The following SATB2 variants were observed in gnomAD, a reference collection of about 807,000 sequenced individuals.
The protein encoded by SATB2 is SATB homeobox 2.
Under a neutral mutation model 73.4 loss-of-function variants are expected in SATB2, and 1 was observed. The observed-to-expected ratio is 0.01, with a 90% confidence interval of 0.00 to 0.06. The LOEUF (loss-of-function observed/expected upper bound fraction) is 0.06. SATB2 is among the 10% of genes least tolerant of loss of function. The pLI is 1.00. For missense variants in SATB2, 459 were observed against 945.8 expected, an observed-to-expected ratio of 0.49 and a Z score of 6.75; for synonymous variants, 397 against 367.0, an observed-to-expected ratio of 1.08 and a Z score of -0.93.
chr2:199,282,888 G>C (rs1430317590), intron 10 of SATB2, among the ~76,000 whole-genome samples: 1 of 152,118 alleles, frequency 6.6e-6, no homozygotes, highest in African/African-American at 2.4e-5. Flanking sequence ...AGTTGCCTCT[G>C]AAGCATATGT....
chr2:199,346,122 A>G (rs1290951636), intron 7 of SATB2, among the ~76,000 whole-genome samples: 1 of 151,978 alleles, frequency 6.6e-6, no homozygotes, highest in Non-Finnish European at 1.5e-5. Context: ...AATCCCAACC[A>G]TTAACAAAAA....
At chr2:199,425,970 T>C (rs1455475067) in intron 3 of SATB2, among the ~76,000 whole-genome samples, 3 of 152,172 alleles carry the variant, frequency 2.0e-5, no homozygotes, top group South Asian at 4.1e-4. Flanking sequence ...CTCCAAATAG[T>C]GTTTTACATT....
At chr2:199,454,948 G>A (rs1270299987) in intron 2 of SATB2, among the ~76,000 whole-genome samples, 2 of 152,058 alleles carry the variant, frequency 1.3e-5, no homozygotes, top group Non-Finnish European at 2.9e-5. Flanking sequence ...GAGAAAAAAC[G>A]TTAGAGGCAA....
intron 6 of SATB2, 99 bp downstream of exon 6, chr2:199,368,506 C>T (rs955566494): frequency 1.9e-5 from 14 of 751,198 alleles, no homozygotes; most frequent in South Asian, 7.5e-5. Context: ...AAAAAAATTA[C>T]GTAAATTGTA....
intron 2 of SATB2, among the ~76,000 whole-genome samples, chr2:199,454,333 C>T (rs1692212962): frequency 6.6e-6 from 1 of 152,128 alleles, no homozygotes; most frequent in Admixed American, 6.5e-5. Flanking sequence ...TTGGAACACA[C>T]TGTCTCCAAG....
At chr2:199,384,675 CTGTTCACATCCTGGCTCTGTCA>C (rs1330133197) in intron 3 of SATB2, among the ~76,000 whole-genome samples, 1 of 152,204 alleles carries the variant, frequency 6.6e-6, no homozygotes, top group Non-Finnish European at 1.5e-5. Context: ...TAAATTGCCT[CTGTTCACATCCTGGCTCTGTCA>C]CCTACTAATT....
At chr2:199,350,243 T>C (rs1388472841) in intron 6 of SATB2, among the ~76,000 whole-genome samples, 10 of 152,034 alleles carry the variant, frequency 6.6e-5, no homozygotes. Context: ...AGATCAAACA[T>C]ATTCACCTAT....
intron 7 of SATB2, among the ~76,000 whole-genome samples, chr2:199,341,140 A>G (rs1429363136): frequency 6.6e-6 from 1 of 152,226 alleles, no homozygotes; most frequent in East Asian, 1.9e-4. Context: ...ACAAAGTAAC[A>G]AAGGGCAAAA....
chr2:199,398,693 T>C (rs1352596275), intron 3 of SATB2, among the ~76,000 whole-genome samples: 1 of 152,192 alleles, frequency 6.6e-6, no homozygotes, highest in Middle Eastern at 3.2e-3. Context: ...CTCTATAAGT[T>C]TTAAACATTT....
At position 199,415,266 on chromosome 2, in the gene SATB2, AT is replaced by A. The variant is rs1475329678; in HGVS notation, c.346+18071del. Among the ~76,000 whole-genome samples the A allele has an allele frequency of 7.2e-5, 11 of 152,244 alleles. No individual in the cohort carries two copies. The East Asian group carries it at 1.9e-3, about 27-fold the overall frequency. ...GGAAGAGAATAGTTGTAAGCTTGTT[AT>A]CTGACCAGTGGCCATGGTCTCAAAG... On this transcript the variant is annotated intron_variant, in intron 3 of 10. Coordinates refer to ENST00000417098, the MANE Select transcript of SATB2 (RefSeq NM_001172509.2).
At chr2:199,323,271 C>G (rs1011902901) in intron 9 of SATB2, among the ~76,000 whole-genome samples, 5 of 151,992 alleles carry the variant, frequency 3.3e-5, no homozygotes, top group Admixed American at 6.6e-5. Flanking sequence ...CTGCACTCCC[C>G]CCACGTGTGT....
At position 199,463,543 on chromosome 2, in the gene SATB2, A is replaced by C. The variant is rs1692527070; in HGVS notation, c.-141+1293T>G. ...GGTCACTGCCCGGGTCCCGGCCCGG[A>C]GCCCCAGCGTCCTCTCCCGACAGCG... On this transcript the variant is annotated intron_variant, in intron 1 of 11. Transcript: ENST00000260926. This position sits in a 1 kb window ranked among gnomAD's most constrained non-coding sequence, Gnocchi z 6.4. Among the ~76,000 whole-genome samples the C allele has an allele frequency of 6.6e-6, 1 of 152,260 alleles. No homozygotes were observed. The highest frequency in any genetic ancestry group is 1.9e-4 in the East Asian group (1 of 5,144).
At chr2:199,307,638 A>C (rs1316658678) in intron 10 of SATB2, among the ~76,000 whole-genome samples, 1 of 152,208 alleles carries the variant, frequency 6.6e-6, no homozygotes, top group Non-Finnish European at 1.5e-5. Context: ...GAAACTGACC[A>C]ATGATAACAC....
chr2:199,305,060 C>A (rs887729282), intron 10 of SATB2, among the ~76,000 whole-genome samples: 2 of 152,092 alleles, frequency 1.3e-5, no homozygotes, highest in South Asian at 2.1e-4. Context: ...GTAATAGCTA[C>A]CATCAAAGAA....
intron 9 of SATB2, 96 bp from the exon 10 acceptor site, chr2:199,309,053 T>C: frequency 9.6e-7 from 1 of 1,045,044 alleles, no homozygotes; most frequent in South Asian, 1.3e-5. Context: ...TACATCTTTT[T>C]CTGTCAAAAT....
chr2:199,301,422 C>T (rs1394704508), intron 10 of SATB2, among the ~76,000 whole-genome samples: 1 of 152,174 alleles, frequency 6.6e-6, no homozygotes, highest in Non-Finnish European at 1.5e-5. Flanking sequence ...AAAGACAGCT[C>T]ATTCACAGGT....
chr2:199,330,933 T>C (rs1343338160), intron 7 of SATB2, among the ~76,000 whole-genome samples: 1 of 152,156 alleles, frequency 6.6e-6, no homozygotes, highest in Non-Finnish European at 1.5e-5. Flanking sequence ...TTCAATAAAT[T>C]TCAAATTACT....
chr2:199,436,847 G>C (rs985076467), intron 2 of SATB2, among the ~76,000 whole-genome samples: 5 of 151,086 alleles, frequency 3.3e-5, no homozygotes, highest in African/African-American at 1.2e-4. Context: ...CCAAGAAAGA[G>C]AGAGAGAGAG....
intron 3 of SATB2, among the ~76,000 whole-genome samples, chr2:199,411,359 A>G (rs967416196): frequency 1.3e-5 from 2 of 152,168 alleles, no homozygotes; most frequent in African/African-American, 2.4e-5. Flanking sequence ...CCTTGCTTAT[A>G]TCTACCTTCA....
Sources: allele counts gnomAD v4.1 joint callset (sites outside exome capture counted in the v4.1 genomes callset), GRCh38; gene constraint gnomAD v4.1.1; non-coding constraint Gnocchi (gnomAD v3.1); transcripts MANE v1.5; gene names NCBI Gene and HGNC (gene_info 2026-07-23, HGNC 2026-07-21).